Variants in RNF31 observed in about 807,000 individuals in gnomAD.
RNF31 encodes the protein E3 ubiquitin-protein ligase RNF31.
RNF31 carries 38 observed loss-of-function variants against 133.6 expected under a neutral mutation model. That is an observed-to-expected ratio of 0.28 (90% CI 0.22 to 0.37). The LOEUF is 0.37. RNF31 is among the 10% of genes least tolerant of loss of function. The pLI, the probability that RNF31 is intolerant of heterozygous loss-of-function variation, is 1.00. For synonymous variants in RNF31, 582 were observed against 552.3 expected (o/e 1.05, Z -0.75); for missense variants, 1,118 against 1,394.1 (o/e 0.80, Z 3.15).
rs564322539 is a variant in RNF31, at chr14:24,151,791, G to A, written c.1929G>A (p.Leu643=). 2 of 1,609,256 alleles carry A rather than the reference G, an allele frequency of 1.2e-6. No individual in the cohort carries two copies. Among genetic ancestry groups the A allele is most frequent in the Non-Finnish European group, 1.7e-6 (2 of 1,177,134 alleles). ...CCACCTGAATCATATTGCAGAGCCT[G>A]GTCAGGCGGCTTTTGGCAGTCTACG... is the stretch of plus-strand genomic sequence containing the variant. ...PSWDGPDKQS[L]VRRLLAVYAL... Residue 643 remains leucine (L), a synonymous_variant, in exon 11 of 21, where the codon CTG becomes CTA. Transcript: ENST00000324103. This position sits in a 1 kb window ranked among gnomAD's most constrained non-coding sequence, Gnocchi z 5.3.
rs2038326280 is a variant in RNF31, at chr14:24,155,371, A to G, written c.2304+41A>G. ...TAGGACTCAGGTACCCTGAGCTTTGAACAGGGACCCTCCCACCCACCACCT... is the reference window on the plus strand; with the variant it reads ...TAGGACTCAGGTACCCTGAGCTTTGGACAGGGACCCTCCCACCCACCACCT... On this transcript the variant is annotated intron_variant, in intron 12 of 20. Transcript: ENST00000324103. This position sits in a 1 kb window ranked among gnomAD's most constrained non-coding sequence, Gnocchi z 4.9. 6.2e-7 allele frequency: 1 copy of G among 1,613,802 alleles called. No homozygotes were observed. The highest frequency in any genetic ancestry group is 1.3e-5 in the African/African-American group (1 of 74,896).
chr14:24,158,067 A>G, intron 17 of RNF31, 56 bp downstream of exon 17: 1 of 1,611,320 alleles, frequency 6.2e-7, no homozygotes, highest in Non-Finnish European at 8.5e-7. Context: ...AGAATGGAAA[A>G]GGCTCCGTGC....
intron 2 of RNF31, 24 bp from the exon 3 acceptor site, chr14:24,148,234 G>C: frequency 6.2e-7 from 1 of 1,614,096 alleles, no homozygotes; most frequent in South Asian, 1.1e-5. Context: ...CTCCTGGGTG[G>C]TGACTCGTTT....
Position 24,159,584 on chromosome 14 carries a change from CAAAAAAAAA to C in RNF31, c.2900-266_2900-258del, listed in dbSNP as rs59295225. Among the ~76,000 whole-genome samples the C allele has an allele frequency of 3.4e-4, 28 of 82,206 alleles. No individual in the cohort carries two copies. In the South Asian group the frequency reaches 7.3e-3, roughly 21 times the overall value. The allele number at this position is 82,206 out of a possible 152,430, so 53.9% of individuals were successfully genotyped here. A position where few individuals can be genotyped will look rare whatever the true frequency, so the allele number is the denominator to read the frequency against. On this transcript the variant is annotated intron_variant, in intron 18 of 20. Transcript: ENST00000324103. The stretch of plus-strand genomic sequence containing the variant: ...AACTAGTCAAGAGATAAATAACAAC[CAAAAAAAAA>C]AAAAAAAAAAAAACACTATCTCAAG...
intron 11 of RNF31, among the ~76,000 whole-genome samples, chr14:24,153,135 A>C (rs946591256): frequency 6.6e-6 from 1 of 151,840 alleles, no homozygotes; most frequent in Non-Finnish European, 1.5e-5. Flanking sequence ...TGACAGTGCT[A>C]CTGTGGCTAT....
Position 24,158,170 on chromosome 14 carries a change from C to T in RNF31, c.2870C>T (p.Pro957Leu). Residue 957 changes from proline (P) to leucine (L), a missense_variant, in exon 18 of 21, where the codon CCT becomes CTT. Around this residue, in one of 3 missense-constraint regions of RNF31, gnomAD observed 170 missense variants for 194.5 expected, o/e 0.87. Transcript: ENST00000324103. Reference sequence around the variant, plus strand: ...AATAACGTCATGTTTAATACAGAGCCTCCAGCTGGGGCCCGGGCAGTCCCT... The same window carrying T: ...AATAACGTCATGTTTAATACAGAGCTTCCAGCTGGGGCCCGGGCAGTCCCT... ...QDNNVMFNTE[P>L]PAGARAVPGG... 1.2e-6 allele frequency: 2 copies of T among 1,614,224 alleles called. No homozygotes were observed. The highest frequency in any genetic ancestry group is 1.7e-6 in the Non-Finnish European group (2 of 1,180,048).
chr14:24,150,699 C>G lies in RNF31; in HGVS notation c.1299C>G (p.Asn433Lys). The change falls in exon 8 of 21, where the codon AAC (asparagine) becomes AAG (lysine). Residue 433 changes from asparagine (N) to lysine (K), a missense_variant. Asn to Lys is a moderately conservative substitution (Grantham distance 94). Transcript: ENST00000324103. ...SSPGWVCVMC[N>K]RTSSPIPAQH... ...CTGGCTGGGTGTGTGTTATGTGCAA[C>G]CGGACTAGTAGCCCCATTCCAGCAC... 6.2e-7 allele frequency: 1 copy of G among 1,614,184 alleles called. No individual in the cohort carries two copies. The highest frequency in any genetic ancestry group is 1.3e-5 in the African/African-American group (1 of 75,036).
chr14:24,158,973 C>A (rs1237490324), intron 18 of RNF31, among the ~76,000 whole-genome samples: 2 of 133,628 alleles, frequency 1.5e-5, no homozygotes, highest in Admixed American at 8.9e-5. Context: ...GCGGAGCTTG[C>A]AGTGAGCAGA....
chr14:24,150,433 C>T lies in RNF31; in HGVS notation c.1182C>T (p.Cys394=), dbSNP rs1413100828. 1.5e-5 allele frequency: 24 copies of T among 1,609,984 alleles called. No individual in the cohort carries two copies. Among genetic ancestry groups the T allele is most frequent in the East Asian group, 2.2e-5 (1 of 44,820 alleles). Residue 394 remains cysteine, a synonymous_variant, in exon 7 of 21, where the codon TGC becomes TGT. Coordinates refer to ENST00000324103, the MANE Select transcript of RNF31 (RefSeq NM_017999.5). Reference sequence around the variant, plus strand: ...TGGATTCCCGAGATGCTGGCATTTGCCTGCAACCCCTTCAGGTAACTGGCC... The same window carrying T: ...TGGATTCCCGAGATGCTGGCATTTGTCTGCAACCCCTTCAGGTAACTGGCC... The part of the protein sequence containing the change: ...LVVDSRDAGI[C]LQPLQQGDAL...
chr14:24,147,938 A>T (rs2038196297), intron 1 of RNF31, 38 bp from the exon 2 acceptor site: 2 of 1,613,740 alleles, frequency 1.2e-6, no homozygotes. Flanking sequence ...CCTGAGGCCC[A>T]GGCCACGCTC....
Position 24,150,263 on chromosome 14 carries a change from G to C in RNF31, c.1012G>C (p.Gly338Arg), listed in dbSNP as rs1167962116. Residue 338 changes from glycine to arginine, a missense_variant, in exon 7 of 21, where the codon GGT becomes CGT. By Grantham distance (125) the Gly-to-Arg change is moderately radical (BLOSUM62 -2). Around this residue, in one of 3 missense-constraint regions of RNF31, gnomAD observed 747 missense variants for 827.9 expected, o/e 0.90. Transcript: ENST00000324103. ...TAAGGGGTTGGGGTTGGGAACTGAGGGTCCCCAAGGAACTGGAGGCCTAGA... is the reference window on the plus strand; with the variant it reads ...TAAGGGGTTGGGGTTGGGAACTGAGCGTCCCCAAGGAACTGGAGGCCTAGA... Reference protein sequence around the residue: ...GCKGLGLGTEGPQGTGGLEPD... With the variant: ...GCKGLGLGTERPQGTGGLEPD... 3 of 1,614,080 alleles carry C rather than the reference G, an allele frequency of 1.9e-6. No homozygotes were observed. Among genetic ancestry groups the C allele is most frequent in the African/African-American group, 2.7e-5 (2 of 74,922 alleles).
intron 5 of RNF31, 144 bp from the exon 6 acceptor site, chr14:24,149,262 C>T (rs908391180): frequency 1.1e-6 from 1 of 879,268 alleles, no homozygotes; most frequent in Non-Finnish European, 1.7e-6. Flanking sequence ...CACGCCCGGC[C>T]TCTTTGTTTT....
chr14:24,150,144 C>T lies in RNF31; in HGVS notation c.893C>T (p.Ala298Val). ...GDSSLSSPNP[A>V]SAHLPWHCAA... Reference sequence around the variant, plus strand: ...AGCTCTCTTTCTTCCCCTAATCCTGCAAGTGCTCATTTGCCCTGGCACTGT... The same window carrying T: ...AGCTCTCTTTCTTCCCCTAATCCTGTAAGTGCTCATTTGCCCTGGCACTGT... The change falls in exon 7 of 21, where the codon GCA becomes GTA. Residue 298 changes from alanine (A) to valine (V), a missense_variant. This residue lies in a region of RNF31 where 747 missense variants were observed against 827.9 expected (regional missense o/e 0.90). Coordinates refer to ENST00000324103, the MANE Select transcript of RNF31 (RefSeq NM_017999.5). 1 of 1,613,192 alleles carries T rather than the reference C, an allele frequency of 6.2e-7. No individual in the cohort carries two copies. Among genetic ancestry groups the T allele is most frequent in the Non-Finnish European group, 8.5e-7 (1 of 1,179,224 alleles).
chr14:24,148,983 G>A, intron 5 of RNF31, 107 bp downstream of exon 5: 3 of 1,098,576 alleles, frequency 2.7e-6, no homozygotes, highest in East Asian at 2.4e-5. Context: ...TTTGTTTTGA[G>A]ACGGAGTTTT....
Position 24,151,102 on chromosome 14 carries a change from C to T in RNF31, c.1489-29C>T, listed in dbSNP as rs1371888936. Reference sequence around the variant, plus strand: ...CAGGCTGAGGGTGGGTGAAGGGTGCCCCTCCTGATGGGCGGGACTGTGCCT... The same window carrying T: ...CAGGCTGAGGGTGGGTGAAGGGTGCTCCTCCTGATGGGCGGGACTGTGCCT... On this transcript the variant is annotated intron_variant, in intron 8 of 20. Transcript: ENST00000324103. The surrounding 1 kb of genome is among the most constrained non-coding windows in gnomAD (Gnocchi z 5.3). 5.6e-6 allele frequency: 9 copies of T among 1,609,878 alleles called. No individual in the cohort carries two copies. The highest frequency in any genetic ancestry group is 6.8e-6 in the Non-Finnish European group (8 of 1,177,272).
Position 24,160,049 on chromosome 14 carries a change from C to T in RNF31, c.2996+89C>T. 2.9e-6 allele frequency: 4 copies of T among 1,393,722 alleles called. No individual in the cohort carries two copies. The highest frequency in any genetic ancestry group is 2.4e-5 in the South Asian group (2 of 83,150). The allele number at this position is 1,393,722 out of a possible 1,614,324, so 86.3% of individuals were successfully genotyped here. On this transcript the variant is annotated intron_variant, in intron 19 of 20. Transcript: ENST00000324103. The surrounding 1 kb of genome is among the most constrained non-coding windows in gnomAD (Gnocchi z 4.0). ...AGGCAGTAAAATGGGTCCTTGGGAG[C>T]AGTAGGTCTTGCAGTGGGTGGGAGG...
intron 18 of RNF31, chr14:24,159,647 G>C (rs1384859024): frequency 1.1e-5 from 4 of 368,696 alleles, no homozygotes; most frequent in Non-Finnish European, 2.0e-5. Flanking sequence ...CCAAAAGCCA[G>C]CTTGGATAAA....
intron 11 of RNF31, among the ~76,000 whole-genome samples, chr14:24,154,077 C>CGCA (rs2038307140): frequency 6.6e-6 from 1 of 152,194 alleles, no homozygotes; most frequent in South Asian, 2.1e-4. Flanking sequence ...CTCACTGCAA[C>CGCA]CTCTGCCTCC....
chr14:24,157,599 G>C lies in RNF31; in HGVS notation c.2688G>C (p.Gln896His). Residue 896 changes from glutamine to histidine, a missense_variant, in exon 16 of 21, where the codon CAG becomes CAC. Physicochemically the swap from Gln to His is conservative, Grantham distance 24 (BLOSUM62 0). Around this residue, in one of 3 missense-constraint regions of RNF31, gnomAD observed 201 missense variants for 371.7 expected, o/e 0.54. Coordinates refer to ENST00000324103, the MANE Select transcript of RNF31 (RefSeq NM_017999.5). The stretch of plus-strand genomic sequence containing the variant: ...TTCACTGTACCCAGTGCCGCCACCA[G>C]TTCTGCAGCGGCTGCTACAATGCCT... ...MHFHCTQCRH[Q>H]FCSGCYNAFY... 3 of 1,614,164 alleles carry C rather than the reference G, an allele frequency of 1.9e-6. No homozygotes were observed. Among genetic ancestry groups the C allele is most frequent in the Non-Finnish European group, 1.7e-6 (2 of 1,180,028 alleles).
Sources: gnomAD v4.1 joint callset for allele counts (sites outside exome capture counted in the v4.1 genomes callset) on GRCh38, gnomAD v4.1.1 for gene constraint, gnomAD v4.1.1 regional missense constraint, Gnocchi (gnomAD v3.1) non-coding constraint, MANE v1.5 for transcripts, NCBI Gene and HGNC (gene_info 2026-07-23, HGNC 2026-07-21) for gene names.